The following NPAS3 variants were observed in gnomAD, a reference collection of about 807,000 sequenced individuals.
NPAS3 encodes neuronal PAS domain-containing protein 3.
Under a neutral mutation model 73.1 loss-of-function variants are expected in NPAS3, and 14 were observed. The ratio of observed to expected loss-of-function variants is 0.19; its 90% CI spans 0.13 to 0.30. The LOEUF (loss-of-function observed/expected upper bound fraction) is 0.30. NPAS3 is among the 10% of genes least tolerant of loss of function. NPAS3 has a pLI of 1.00. For missense variants in NPAS3, 1,096 were observed against 1,250.0 expected (o/e 0.88, Z 1.86); for synonymous variants, 620 against 541.5 (o/e 1.14, Z -2.01).
At chr14:33,166,072 A>T (rs1038553019) in intron 2 of NPAS3, among the ~76,000 whole-genome samples, 2 of 152,142 alleles carry the variant, frequency 1.3e-5, no homozygotes. Flanking sequence ...ATGTGCTTCC[A>T]CTACTGTCGG....
At position 33,679,991 on chromosome 14, in the gene NPAS3, C is replaced by T. The variant is rs577658954; in HGVS notation, c.733+3606C>T. On this transcript the variant is annotated intron_variant, in intron 6 of 11. Transcript: ENST00000356141. ...GCCTTGTTTAAAATGTTATAAAGTCCGAGAGTGCCTATTTAGGGGTTGACT... is the reference window on the plus strand; with the variant it reads ...GCCTTGTTTAAAATGTTATAAAGTCTGAGAGTGCCTATTTAGGGGTTGACT... 7.9e-5 allele frequency among the ~76,000 whole-genome samples: 12 copies of T among 152,192 alleles called. No individual in the cohort carries two copies. The South Asian group carries it at 1.9e-3, about 24-fold the overall frequency.
chr14:33,120,316 G>A (rs576592672), intron 2 of NPAS3, among the ~76,000 whole-genome samples: 2 of 152,012 alleles, frequency 1.3e-5, no homozygotes, highest in African/African-American at 2.4e-5. Context: ...ACTTTGATAC[G>A]ATTACCGGAA....
intron 3 of NPAS3, among the ~76,000 whole-genome samples, chr14:33,308,267 A>G (rs1320447252): frequency 6.6e-6 from 1 of 152,088 alleles, no homozygotes; most frequent in African/African-American, 2.4e-5. Flanking sequence ...TGGTGTTTGA[A>G]TAACTTCATA....
chr14:33,374,750 T>C (rs2046247734), intron 4 of NPAS3, among the ~76,000 whole-genome samples: 2 of 151,838 alleles, frequency 1.3e-5, no homozygotes, highest in Non-Finnish European at 2.9e-5. Context: ...GACACCTTCT[T>C]TAATCTCATA....
At chr14:33,080,403 G>A (rs1324609797) in intron 2 of NPAS3, among the ~76,000 whole-genome samples, 1 of 152,184 alleles carries the variant, frequency 6.6e-6, no homozygotes, top group East Asian at 1.9e-4. Flanking sequence ...ACCGCGCCCG[G>A]CCCCAGTCTG....
At chr14:33,540,277 A>T (rs369968929) in intron 4 of NPAS3, among the ~76,000 whole-genome samples, 1 of 152,182 alleles carries the variant, frequency 6.6e-6, no homozygotes, top group East Asian at 1.9e-4. Context: ...GATGCTTATC[A>T]GTAATGGAAA....
chr14:33,516,772 G>A (rs907774455), intron 4 of NPAS3, among the ~76,000 whole-genome samples: 1 of 151,974 alleles, frequency 6.6e-6, no homozygotes, highest in Non-Finnish European at 1.5e-5. Context: ...GATAATGATG[G>A]TGATGATGAT....
intron 2 of NPAS3, among the ~76,000 whole-genome samples, chr14:33,095,661 T>G: frequency 8.4e-6 from 1 of 119,204 alleles, no homozygotes; most frequent in Non-Finnish European, 1.7e-5. Context: ...TCTCTGCTTT[T>G]ATTTTTTTAT....
chr14:33,533,869 G>C (rs1460137923), intron 4 of NPAS3, among the ~76,000 whole-genome samples: 1 of 151,766 alleles, frequency 6.6e-6, no homozygotes, highest in East Asian at 1.9e-4. Flanking sequence ...CATATCACAT[G>C]TCATATACAC....
chr14:33,751,213 A>C (rs1390309148), intron 7 of NPAS3, among the ~76,000 whole-genome samples: 1 of 152,222 alleles, frequency 6.6e-6, no homozygotes, highest in East Asian at 1.9e-4. Flanking sequence ...GAATCATTGT[A>C]AGAGAAAGAG....
Position 33,721,753 on chromosome 14 carries a change from G to A in NPAS3, c.734-13461G>A, listed in dbSNP as rs117511053. On this transcript the variant is annotated intron_variant, in intron 6 of 11. Coordinates refer to ENST00000356141, the Ensembl canonical transcript of NPAS3. ...TAAAGAATGCAGGTCATAGATTTGA[G>A]TAAAACATGAGGATAAGCACTACGT... Among the ~76,000 whole-genome samples, 662 of 152,278 alleles carry A rather than the reference G, an allele frequency of 4.3e-3. 29 individuals are homozygous for A. In the East Asian group the frequency reaches 0.097, roughly 22 times the overall value.
rs183969449 is a variant in NPAS3 at position 33,744,460 on chromosome 14, C to T, written c.852+9128C>T. Among the ~76,000 whole-genome samples, 172 of 152,200 alleles carry T rather than the reference C, an allele frequency of 1.1e-3. 1 individual carries two copies. The highest frequency in any genetic ancestry group is 1.8e-3 in the Non-Finnish European group (121 of 68,020). ...CAATTATAACAGTAATATCAAAGAT[C>T]GCTGATCACAGATCACTATAACAGG... is the stretch of plus-strand genomic sequence containing the variant. On this transcript the variant is annotated intron_variant, in intron 7 of 11. Transcript: ENST00000356141.
intron 2 of NPAS3, among the ~76,000 whole-genome samples, chr14:33,173,526 T>A (rs1468659532): frequency 1.3e-5 from 2 of 152,196 alleles, no homozygotes; most frequent in South Asian, 2.1e-4. Flanking sequence ...ACAAAAACTT[T>A]CTGTTTATGC....
intron 5 of NPAS3, among the ~76,000 whole-genome samples, chr14:33,567,250 T>A (rs897025820): frequency 2.0e-5 from 3 of 152,360 alleles, no homozygotes; most frequent in African/African-American, 7.2e-5. Context: ...TTTTACCTCC[T>A]TCTTTCATCC....
intron 6 of NPAS3, among the ~76,000 whole-genome samples, chr14:33,725,471 T>A (rs186689053): frequency 0.019 from 2,928 of 152,268 alleles, 44 homozygotes; most frequent in Non-Finnish European, 0.03. Flanking sequence ...GGGATTTTTT[T>A]AAATTTTCCT....
At chr14:33,253,991 A>C (rs58674942) in intron 3 of NPAS3, among the ~76,000 whole-genome samples, 195 of 152,060 alleles carry the variant, frequency 1.3e-3, no homozygotes, top group African/African-American at 4.6e-3. Flanking sequence ...ACCCAAATAT[A>C]AACTGGGAAG....
chr14:33,740,444 TA>T (rs1312423000), intron 7 of NPAS3, among the ~76,000 whole-genome samples: 5 of 152,196 alleles, frequency 3.3e-5, no homozygotes, highest in African/African-American at 1.2e-4. Flanking sequence ...TGTCACTCAA[TA>T]AATGTTGATT....
rs927243098 is a variant in NPAS3, at chr14:33,311,156, C to G, written c.386-56030C>G. Among the ~76,000 whole-genome samples, 13 of 151,996 alleles carry G rather than the reference C, an allele frequency of 8.6e-5. No individual in the cohort carries two copies. In the East Asian group the frequency reaches 1.9e-3, roughly 23 times the overall value. ...ATATTTTTGTTGAGTTTTCCTCTTGCCTTTTGGGGTATTCTCTGGATGTTT... is the reference window on the plus strand; with the variant it reads ...ATATTTTTGTTGAGTTTTCCTCTTGGCTTTTGGGGTATTCTCTGGATGTTT... On this transcript the variant is annotated intron_variant, in intron 3 of 11. Transcript: ENST00000356141.
chr14:33,735,584 A>G (rs557968587), intron 7 of NPAS3, among the ~76,000 whole-genome samples: 21 of 152,274 alleles, frequency 1.4e-4, no homozygotes, highest in African/African-American at 5.1e-4. Context: ...AAATATGCCA[A>G]GTGCTTCAGC....
Sources: gnomAD v4.1 joint callset for allele counts (sites outside exome capture counted in the v4.1 genomes callset) on GRCh38, gnomAD v4.1.1 for gene constraint, MANE v1.5 for transcripts, NCBI Gene and HGNC (gene_info 2026-07-23, HGNC 2026-07-21) for gene names.